Variants in STK4 observed in about 807,000 individuals in gnomAD.
STK4 encodes the protein serine/threonine kinase 4, also known as serine/threonine-protein kinase 4.
STK4 carries 30 observed loss-of-function variants against 64.9 expected under a neutral mutation model. The ratio of observed to expected loss-of-function variants is 0.46; its 90% CI spans 0.35 to 0.63. STK4 has a LOEUF of 0.63. Among genes scored for constraint, STK4 ranks in the 20% least tolerant of loss-of-function variants. The pLI, the probability that STK4 is intolerant of heterozygous loss-of-function variation, is 0.01. For synonymous variants in STK4, 177 were observed against 199.0 expected, an observed-to-expected ratio of 0.89 and a Z score of 0.93; for missense variants, 466 against 598.5, an observed-to-expected ratio of 0.78 and a Z score of 2.31.
At position 45,075,391 on chromosome 20, in the gene STK4, G is replaced by A. The variant is rs1600584749; in HGVS notation, c.*215G>A. On this transcript the variant is annotated 3_prime_UTR_variant, in exon 11 of 11. Transcript: ENST00000372806. ...ATTGGTCAGGTATATTATCTCAAAG[G>A]ATTTATATTGGCGCTTTTAACTCAG... 41 of 500,772 alleles carry A rather than the reference G, an allele frequency of 8.2e-5. No homozygotes were observed. The East Asian group carries it at 1.3e-3, about 16-fold the overall frequency. 31.0% of individuals were successfully genotyped at this position (500,772 alleles called of 1,614,324 possible).
At chr20:44,982,109 CTTT>C (rs11475406) in intron 4 of STK4, among the ~76,000 whole-genome samples, 166 bp downstream of exon 4, 5 of 98,044 alleles carry the variant, frequency 5.1e-5, no homozygotes, top group African/African-American at 1.3e-4. Flanking sequence ...AGTGTGACAG[CTTT>C]TTTTTTTTTT....
At chr20:45,055,794 A>G (rs1978429597) in intron 10 of STK4, among the ~76,000 whole-genome samples, 1 of 149,406 alleles carries the variant, frequency 6.7e-6, no homozygotes, top group South Asian at 2.1e-4. Context: ...GTGCAGTGGC[A>G]TGATCTTGGC....
chr20:45,055,371 C>T (rs1978376966), intron 10 of STK4, among the ~76,000 whole-genome samples: 3 of 152,108 alleles, frequency 2.0e-5, no homozygotes, highest in Admixed American at 2.0e-4. Flanking sequence ...CTGCCGCTTC[C>T]CAAGACATCT....
At chr20:44,985,340 C>CTTTATTTA (rs754885070) in intron 4 of STK4, among the ~76,000 whole-genome samples, 3 of 151,936 alleles carry the variant, frequency 2.0e-5, no homozygotes, top group Non-Finnish European at 2.9e-5. Context: ...AACGGTTAGC[C>CTTTATTTA]TTTATTTATT....
At chr20:45,026,346 T>TGC (rs569524298) in intron 10 of STK4, among the ~76,000 whole-genome samples, 441 of 150,798 alleles carry the variant, frequency 2.9e-3, no homozygotes, top group African/African-American at 0.01. Flanking sequence ...TGTGTGTGTG[T>TGC]GTGCATAGTT....
chr20:45,010,345 G>T (rs543743828), intron 9 of STK4, among the ~76,000 whole-genome samples: 1 of 152,084 alleles, frequency 6.6e-6, no homozygotes, highest in African/African-American at 2.4e-5. Context: ...GATTACAGTC[G>T]TGAGCCACCG....
Position 44,966,554 on chromosome 20 carries a change from G to A in STK4, c.-15G>A. On this transcript the variant is annotated 5_prime_UTR_variant, in exon 1 of 11. Coordinates refer to ENST00000372806, the MANE Select transcript of STK4 (RefSeq NM_006282.5). Reference sequence around the variant, plus strand: ...ATGGAGCAGTGAGCGGGTCTGGGCGGCTGCTGGCAGCGCCATGGAGACGGT... The same window carrying A: ...ATGGAGCAGTGAGCGGGTCTGGGCGACTGCTGGCAGCGCCATGGAGACGGT... 7.9e-7 allele frequency: 1 copy of A among 1,266,504 alleles called. No homozygotes were observed. Among genetic ancestry groups the A allele is most frequent in the Non-Finnish European group, 1.0e-6 (1 of 996,380 alleles). The allele number at this position is 1,266,504 out of a possible 1,614,324, so 78.5% of individuals were successfully genotyped here. A position where few individuals can be genotyped will look rare whatever the true frequency, so the allele number is the denominator to read the frequency against.
intron 9 of STK4, among the ~76,000 whole-genome samples, chr20:45,002,345 A>T (rs1327966448): frequency 2.6e-5 from 4 of 152,214 alleles, no homozygotes; most frequent in Non-Finnish European, 5.9e-5. Flanking sequence ...TGCTAATTCA[A>T]TGAGTTGTTT....
intron 9 of STK4, among the ~76,000 whole-genome samples, chr20:45,017,566 T>G: frequency 6.6e-6 from 1 of 152,140 alleles, no homozygotes. Flanking sequence ...TTTGGAAGAC[T>G]TTGAATTTGA....
chr20:45,042,402 C>T (rs1431518934), intron 10 of STK4, among the ~76,000 whole-genome samples: 1 of 152,112 alleles, frequency 6.6e-6, no homozygotes, highest in Non-Finnish European at 1.5e-5. Context: ...TCTATTAGAG[C>T]TCTTGAAAGT....
intron 10 of STK4, among the ~76,000 whole-genome samples, chr20:45,057,728 C>T (rs1184762654): frequency 1.3e-5 from 2 of 152,166 alleles, no homozygotes; most frequent in Non-Finnish European, 2.9e-5. Flanking sequence ...GTGTTTTTAA[C>T]TCTGAGCCTA....
At chr20:44,967,366 C>T (rs987358589) in intron 1 of STK4, 13 of 392,256 alleles carry the variant, frequency 3.3e-5, no homozygotes, top group African/African-American at 2.4e-4. Flanking sequence ...GTCACTGAAC[C>T]CTGCCAGTCT....
intron 1 of STK4, chr20:44,967,137 T>C (rs1313437110): frequency 6.1e-6 from 6 of 985,100 alleles, no homozygotes; most frequent in Non-Finnish European, 6.0e-6. Context: ...AGGGAGGGGA[T>C]GGTGGAGGGT....
intron 10 of STK4, among the ~76,000 whole-genome samples, chr20:45,027,905 A>C (rs954777839): frequency 6.6e-6 from 1 of 152,210 alleles, no homozygotes; most frequent in African/African-American, 2.4e-5. Flanking sequence ...AATGACCTCC[A>C]GTAATATCCA....
At position 44,987,309 on chromosome 20, in the gene STK4, A is replaced by G; in HGVS notation, c.525+13A>G. ...AGGTCAACTTACAGTAAGTAAAAAT[A>G]TTACTTGTATTGATAATTTTCATTT... On this transcript the variant is annotated intron_variant, in intron 5 of 10. Coordinates refer to ENST00000372806, the MANE Select transcript of STK4 (RefSeq NM_006282.5). The G allele has an allele frequency of 2.5e-6, 4 of 1,594,870 alleles. No individual in the cohort carries two copies. The highest frequency in any genetic ancestry group is 1.1e-5 in the South Asian group (1 of 87,082).
intron 10 of STK4, among the ~76,000 whole-genome samples, chr20:45,074,687 T>G (rs1165913983): frequency 1.3e-5 from 2 of 152,218 alleles, no homozygotes; most frequent in African/African-American, 2.4e-5. Flanking sequence ...ACTGTTATTT[T>G]AATGCCCTAA....
chr20:45,031,032 T>TA (rs534429972), intron 10 of STK4, among the ~76,000 whole-genome samples: 71 of 151,988 alleles, frequency 4.7e-4, no homozygotes, highest in Non-Finnish European at 7.9e-4. Flanking sequence ...CCATCTCTAT[T>TA]ACAAAAATAA....
Position 44,966,534 on chromosome 20 carries a change from G to C in STK4, c.-35G>C, listed in dbSNP as rs1032913025. ...CTCAGGAGGTCCGCGGGAGGATGGA[G>C]CAGTGAGCGGGTCTGGGCGGCTGCT... is the stretch of plus-strand genomic sequence containing the variant. On this transcript the variant is annotated 5_prime_UTR_variant, in exon 1 of 11. Transcript: ENST00000372806. The C allele has an allele frequency of 5.6e-6, 7 of 1,259,454 alleles. No individual in the cohort carries two copies. Among genetic ancestry groups the C allele is most frequent in the Non-Finnish European group, 7.1e-6 (7 of 992,612 alleles). The allele number at this position is 1,259,454 out of a possible 1,614,324, so 78.0% of individuals were successfully genotyped here. A position where few individuals can be genotyped will look rare whatever the true frequency, so the allele number is the denominator to read the frequency against.
rs926699712 is a variant in STK4 at position 44,971,866 on chromosome 20, T to C, written c.36-212T>C. On this transcript the variant is annotated intron_variant, in intron 1 of 10. Coordinates refer to ENST00000372806, the MANE Select transcript of STK4 (RefSeq NM_006282.5). ...TTTTGTATTTTTAGTGGAGACGGGG[T>C]TTCACCATGTTAGCCAGGATGGTCT... Among the ~76,000 whole-genome samples, 12 of 151,864 alleles carry C rather than the reference T, an allele frequency of 7.9e-5. 1 individual carries two copies. Among genetic ancestry groups the C allele is most frequent in the Admixed American group, 6.6e-4 (10 of 15,246 alleles).
Sources: gnomAD v4.1 joint callset for allele counts (sites outside exome capture counted in the v4.1 genomes callset) on GRCh38, gnomAD v4.1.1 for gene constraint, MANE v1.5 for transcripts, NCBI Gene and HGNC (gene_info 2026-07-23, HGNC 2026-07-21) for gene names.